Variants in LDB2 observed in about 807,000 individuals in gnomAD.
LDB2 encodes the protein LIM domain-binding protein 2.
Under a neutral mutation model 44.3 loss-of-function variants are expected in LDB2, and 12 were observed. That is an observed-to-expected ratio of 0.27 (90% CI 0.17 to 0.44). The LOEUF (loss-of-function observed/expected upper bound fraction) is 0.44. LDB2 is among the 20% of genes least tolerant of loss of function. The pLI, the probability that LDB2 is intolerant of heterozygous loss-of-function variation, is 1.00. For synonymous variants in LDB2, 164 were observed against 174.8 expected, an observed-to-expected ratio of 0.94 and a Z score of 0.49; for missense variants, 344 against 473.5, an observed-to-expected ratio of 0.73 and a Z score of 2.54.
intron 2 of LDB2, among the ~76,000 whole-genome samples, chr4:16,721,216 C>T (rs1758207409): frequency 2.0e-5 from 3 of 152,026 alleles, no homozygotes; most frequent in African/African-American, 7.2e-5. Flanking sequence ...TTATAGCCTC[C>T]CATGAGGGTA....
intron 1 of LDB2, among the ~76,000 whole-genome samples, chr4:16,824,421 C>T (rs749850938): frequency 5.3e-5 from 8 of 152,192 alleles, no homozygotes; most frequent in East Asian, 3.9e-4. Flanking sequence ...AGTCAGGGCA[C>T]GAATGCTTGT....
chr4:16,729,584 T>C (rs758075875), intron 2 of LDB2, among the ~76,000 whole-genome samples: 1 of 152,196 alleles, frequency 6.6e-6, no homozygotes, highest in Non-Finnish European at 1.5e-5. Flanking sequence ...AAATCCCCCA[T>C]CTTTGTTTAA....
chr4:16,513,907 T>TAA (rs1277187556), intron 5 of LDB2, among the ~76,000 whole-genome samples: 1 of 152,226 alleles, frequency 6.6e-6, no homozygotes, highest in Middle Eastern at 3.2e-3. Flanking sequence ...CATATTATTC[T>TAA]AACTTTTCCC....
At chr4:16,836,151 A>G (rs916295878) in intron 1 of LDB2, among the ~76,000 whole-genome samples, 5 of 152,266 alleles carry the variant, frequency 3.3e-5, no homozygotes, top group Non-Finnish European at 7.3e-5. Context: ...TAATGACTGT[A>G]TGTATAAGTG....
intron 2 of LDB2, among the ~76,000 whole-genome samples, chr4:16,632,797 G>A (rs1435754761): frequency 6.6e-6 from 1 of 152,180 alleles, no homozygotes; most frequent in Non-Finnish European, 1.5e-5. Flanking sequence ...ACAGGTGCTG[G>A]AGAGGATGTG....
chr4:16,624,193 A>T (rs1729662241), intron 2 of LDB2, among the ~76,000 whole-genome samples: 1 of 152,212 alleles, frequency 6.6e-6, no homozygotes, highest in Non-Finnish European at 1.5e-5. Context: ...CACTATAGTA[A>T]TCATTGTTAC....
intron 2 of LDB2, among the ~76,000 whole-genome samples, chr4:16,720,478 T>C (rs553935876): frequency 2.0e-4 from 30 of 152,242 alleles, no homozygotes; most frequent in Admixed American, 1.5e-3. Context: ...ATTCTCCTAA[T>C]ATATGTCTCC....
Position 16,869,166 on chromosome 4 carries a change from C to T in LDB2, c.132+29188G>A, listed in dbSNP as rs188823437. Among the ~76,000 whole-genome samples the T allele has an allele frequency of 3.5e-3, 525 of 152,168 alleles. 3 individuals are homozygous for T. The highest frequency in any genetic ancestry group is 0.012 in the African/African-American group (503 of 41,496). ...TATTATTATTTTAATTATCCCCATT[C>T]ATCAGGTGAGGAAGCTGGGGCCTAG... On this transcript the variant is annotated intron_variant, in intron 1 of 7. Transcript: ENST00000304523.
At chr4:16,798,825 T>A (rs938594663) in intron 1 of LDB2, among the ~76,000 whole-genome samples, 2 of 152,224 alleles carry the variant, frequency 1.3e-5, no homozygotes, top group African/African-American at 4.8e-5. Flanking sequence ...CAGTGCTTAT[T>A]CAGCATGACT....
At chr4:16,609,116 G>A (rs1293663703) in intron 2 of LDB2, among the ~76,000 whole-genome samples, 2 of 152,116 alleles carry the variant, frequency 1.3e-5, no homozygotes, top group African/African-American at 2.4e-5. Flanking sequence ...GAACAGCGCG[G>A]GGCAGTGGCC....
chr4:16,888,919 A>T lies in LDB2; in HGVS notation c.132+9435T>A, dbSNP rs145734436. Among the ~76,000 whole-genome samples the T allele has an allele frequency of 3.9e-4, 59 of 152,256 alleles. 1 individual carries two copies. The East Asian group carries it at 6.9e-3, about 18-fold the overall frequency. ...TTGGACCCAAATCTGTCTTACTATA[A>T]GTCATACTGAGGTTGAAGCCTTTAT... On this transcript the variant is annotated intron_variant, in intron 1 of 7. Transcript: ENST00000304523.
At chr4:16,743,867 A>G (rs1174509894) in intron 2 of LDB2, among the ~76,000 whole-genome samples, 2 of 152,184 alleles carry the variant, frequency 1.3e-5, no homozygotes, top group Non-Finnish European at 2.9e-5. Context: ...GAGATAATAC[A>G]TGTGTGTCAT....
intron 5 of LDB2, among the ~76,000 whole-genome samples, chr4:16,567,313 T>C (rs1469680856): frequency 6.6e-6 from 1 of 152,208 alleles, no homozygotes; most frequent in Non-Finnish European, 1.5e-5. Context: ...AGGATATATT[T>C]CTATTGCTTT....
intron 5 of LDB2, among the ~76,000 whole-genome samples, chr4:16,583,866 G>A (rs927894444): frequency 6.6e-6 from 1 of 152,054 alleles, no homozygotes; most frequent in Admixed American, 6.5e-5. Context: ...AGCACGCTTC[G>A]CTGGAACCAC....
At chr4:16,598,605 G>A (rs529596998) in intron 2 of LDB2, among the ~76,000 whole-genome samples, 11 of 152,234 alleles carry the variant, frequency 7.2e-5, no homozygotes. Flanking sequence ...TTTTTTTAAT[G>A]TGTCAATAGA....
intron 1 of LDB2, among the ~76,000 whole-genome samples, chr4:16,849,213 G>T (rs973667119): frequency 1.1e-4 from 16 of 152,236 alleles, no homozygotes; most frequent in African/African-American, 3.9e-4. Flanking sequence ...TGCTCACAGG[G>T]CTGGCTTCTT....
intron 1 of LDB2, among the ~76,000 whole-genome samples, chr4:16,890,529 G>A (rs950642262): frequency 1.3e-5 from 2 of 152,158 alleles, no homozygotes; most frequent in Non-Finnish European, 2.9e-5. Context: ...CTGGTCCAAC[G>A]TGGTACTAAT....
At chr4:16,725,106 G>T (rs1262381528) in intron 2 of LDB2, among the ~76,000 whole-genome samples, 2 of 152,052 alleles carry the variant, frequency 1.3e-5, no homozygotes, top group African/African-American at 4.8e-5. Flanking sequence ...AGAAGCAGCA[G>T]AACAGTTCTC....
intron 2 of LDB2, among the ~76,000 whole-genome samples, chr4:16,597,639 T>C (rs1721354058): frequency 6.6e-6 from 1 of 152,180 alleles, no homozygotes; most frequent in Non-Finnish European, 1.5e-5. Flanking sequence ...ACCATAAAAA[T>C]GCAGATGTAG....
Sources: gnomAD v4.1 joint callset for allele counts (sites outside exome capture counted in the v4.1 genomes callset) on GRCh38, gnomAD v4.1.1 for gene constraint, MANE v1.5 for transcripts, NCBI Gene and HGNC (gene_info 2026-07-23, HGNC 2026-07-21) for gene names.